The following OSBPL1A variants were observed in gnomAD, a reference collection of about 807,000 sequenced individuals.
OSBPL1A encodes oxysterol-binding protein-related protein 1.
Under a neutral mutation model 137.1 loss-of-function variants are expected in OSBPL1A, and 80 were observed. The observed-to-expected ratio is 0.58, with a 90% confidence interval of 0.49 to 0.70. The LOEUF (loss-of-function observed/expected upper bound fraction) is 0.70. Ranked by LOEUF, OSBPL1A falls within the 30% of genes least tolerant of loss-of-function variation. The pLI is 0.00. For synonymous variants in OSBPL1A, 365 were observed against 389.7 expected, an observed-to-expected ratio of 0.94 and a Z score of 0.75; for missense variants, 970 against 1,129.4, an observed-to-expected ratio of 0.86 and a Z score of 2.02.
intron 21 of OSBPL1A, among the ~76,000 whole-genome samples, chr18:24,174,010 T>C (rs1308312451): frequency 6.6e-6 from 1 of 152,236 alleles, no homozygotes; most frequent in Non-Finnish European, 1.5e-5. Flanking sequence ...CTTTTGAGAT[T>C]AGCATCTTCA....
chr18:24,293,362 C>T (rs2090222833), intron 14 of OSBPL1A, among the ~76,000 whole-genome samples: 1 of 152,048 alleles, frequency 6.6e-6, no homozygotes, highest in Non-Finnish European at 1.5e-5. Context: ...CACAGTCCGG[C>T]TGGAGAGAAT....
chr18:24,306,167 G>C (rs1233213944), intron 13 of OSBPL1A, among the ~76,000 whole-genome samples: 1 of 152,102 alleles, frequency 6.6e-6, no homozygotes, highest in East Asian at 1.9e-4. Context: ...CAAGAACAAG[G>C]ATTAAACCCA....
At chr18:24,388,163 A>T (rs1479519094) in intron 1 of OSBPL1A, among the ~76,000 whole-genome samples, 1 of 152,156 alleles carries the variant, frequency 6.6e-6, no homozygotes, top group African/African-American at 2.4e-5. Flanking sequence ...CTCCTTGATA[A>T]GTCCTCATGG....
intron 24 of OSBPL1A, among the ~76,000 whole-genome samples, chr18:24,167,982 G>A (rs553461227): frequency 5.3e-5 from 8 of 152,290 alleles, no homozygotes; most frequent in Middle Eastern, 6.8e-3. Flanking sequence ...CACAAGCTTC[G>A]TGTGTTGTGC....
chr18:24,175,107 T>TATATATATATATATAC lies in OSBPL1A; in HGVS notation c.2094-2625_2094-2624insGTATATATATATATAT, dbSNP rs1491489795. ...TTCATGTGCTTATTTGCCATGTGTA[T>TATATATATATATATAC]GTATATATATATATATATATATATA... On this transcript the variant is annotated intron_variant, in intron 21 of 27. Transcript: ENST00000319481. Among the ~76,000 whole-genome samples, 57 of 23,190 alleles carry TATATATATATATATAC rather than the reference T, an allele frequency of 2.5e-3. 1 individual carries two copies. The highest frequency in any genetic ancestry group is 5.6e-3 in the African/African-American group (52 of 9,344). The allele number at this position is 23,190 out of a possible 152,430, so 15.2% of individuals were successfully genotyped here. A position where few individuals can be genotyped will look rare whatever the true frequency, so the allele number is the denominator to read the frequency against.
chr18:24,261,942 G>C (rs540454371), intron 15 of OSBPL1A, among the ~76,000 whole-genome samples: 2 of 152,220 alleles, frequency 1.3e-5, no homozygotes, highest in Non-Finnish European at 2.9e-5. Context: ...ATATTAAACA[G>C]CAAGATGCAT....
At chr18:24,202,310 G>C (rs766803936) in intron 17 of OSBPL1A, among the ~76,000 whole-genome samples, 8 of 152,166 alleles carry the variant, frequency 5.3e-5, no homozygotes, top group Non-Finnish European at 1.0e-4. Flanking sequence ...GACAATTAAG[G>C]CTTCTCAGAA....
intron 14 of OSBPL1A, among the ~76,000 whole-genome samples, chr18:24,292,256 TAAAAC>T (rs1035226625): frequency 6.6e-6 from 1 of 152,038 alleles, no homozygotes; most frequent in African/African-American, 2.4e-5. Context: ...CCTCAGAAAA[TAAAAC>T]AGAATTCAGG....
At chr18:24,229,394 T>C (rs1227541690) in intron 16 of OSBPL1A, among the ~76,000 whole-genome samples, 1 of 152,188 alleles carries the variant, frequency 6.6e-6, no homozygotes, top group Non-Finnish European at 1.5e-5. Flanking sequence ...ACTAGTTGCT[T>C]AAAAGCCAAA....
At chr18:24,304,370 T>C (rs1054101510) in intron 13 of OSBPL1A, among the ~76,000 whole-genome samples, 2 of 152,194 alleles carry the variant, frequency 1.3e-5, no homozygotes, top group African/African-American at 4.8e-5. Context: ...GAAAGTTACA[T>C]CCCATCTTAG....
intron 26 of OSBPL1A, 150 bp downstream of exon 26, chr18:24,166,429 G>C (rs80066202): frequency 0.018 from 17,858 of 994,898 alleles, 871 homozygotes; most frequent in East Asian, 0.18. Flanking sequence ...AAAAGTTACT[G>C]AATTTAAATT....
intron 27 of OSBPL1A, among the ~76,000 whole-genome samples, chr18:24,164,313 TAAAAA>T (rs900419019): frequency 6.6e-6 from 1 of 150,480 alleles, no homozygotes; most frequent in African/African-American, 2.5e-5. Context: ...TGGCAATTAT[TAAAAA>T]GAAAAACATG....
In OSBPL1A at chr18:24,171,470, T is replaced by C; in HGVS notation, c.2230A>G (p.Lys744Glu). The C allele has an allele frequency of 6.2e-7, 1 of 1,613,704 alleles. No individual in the cohort carries two copies. The highest frequency in any genetic ancestry group is 8.5e-7 in the Non-Finnish European group (1 of 1,179,710). Residue 744 changes from lysine to glutamate, a missense_variant, in exon 23 of 28, where the codon AAG becomes GAG. Around this residue, in one of 2 missense-constraint regions of OSBPL1A, gnomAD observed 323 missense variants for 456.8 expected, o/e 0.71. Transcript: ENST00000319481. ...KTGDKCVLNF[K>E]PCGLFGKELH... ...TCCTTACCAAAAAGGCCACATGGCT[T>C]AAAATTCAACACACATTTGTCCCCA...
At chr18:24,298,637 G>A (rs867112683) in intron 14 of OSBPL1A, among the ~76,000 whole-genome samples, 9 of 152,304 alleles carry the variant, frequency 5.9e-5, no homozygotes, top group South Asian at 2.1e-4. Context: ...GAGCCACCGC[G>A]CCTGGCCGCC....
chr18:24,224,308 C>T (rs919898287), intron 17 of OSBPL1A, among the ~76,000 whole-genome samples: 1 of 151,990 alleles, frequency 6.6e-6, no homozygotes, highest in South Asian at 2.1e-4. Context: ...AATTATTTTC[C>T]AGCAATTACC....
chr18:24,267,504 T>G (rs275879), intron 15 of OSBPL1A, among the ~76,000 whole-genome samples: 1 of 152,052 alleles, frequency 6.6e-6, no homozygotes, highest in South Asian at 2.1e-4. Flanking sequence ...ATCTTACTTA[T>G]AAACATACAT....
At chr18:24,370,603 A>G (rs1275630375) in intron 2 of OSBPL1A, among the ~76,000 whole-genome samples, 1 of 151,842 alleles carries the variant, frequency 6.6e-6, no homozygotes, top group African/African-American at 2.4e-5. Flanking sequence ...AGCACTCCCA[A>G]CTTCCCAGCC....
At chr18:24,242,560 T>C (rs2077280000) in intron 15 of OSBPL1A, among the ~76,000 whole-genome samples, 1 of 152,174 alleles carries the variant, frequency 6.6e-6, no homozygotes, top group Non-Finnish European at 1.5e-5. Flanking sequence ...TCTGTGGCCC[T>C]GAGTTCCTGC....
At chr18:24,246,344 C>A (rs2088886089) in intron 15 of OSBPL1A, among the ~76,000 whole-genome samples, 1 of 152,106 alleles carries the variant, frequency 6.6e-6, no homozygotes, top group Admixed American at 6.6e-5. Flanking sequence ...GTGCACAGGG[C>A]TTGCAAACCA....
Sources: gnomAD v4.1 joint callset for allele counts (sites outside exome capture counted in the v4.1 genomes callset) on GRCh38, gnomAD v4.1.1 for gene constraint, gnomAD v4.1.1 regional missense constraint, MANE v1.5 for transcripts, NCBI Gene and HGNC (gene_info 2026-07-23, HGNC 2026-07-21) for gene names.